The following AGTPBP1 variants were observed in gnomAD, a reference collection of about 807,000 sequenced individuals.
AGTPBP1 encodes ATP/GTP binding carboxypeptidase 1.
A neutral mutation model predicts 143.9 loss-of-function variants in AGTPBP1; 70 were observed. That is an observed-to-expected ratio of 0.49 (90% CI 0.40 to 0.59). AGTPBP1 has a LOEUF of 0.59. AGTPBP1 is among the 20% of genes least tolerant of loss of function. The probability of loss-of-function intolerance (pLI) is 0.00; values close to 1 mark genes in which losing one functional copy is unlikely to be tolerated. For missense variants in AGTPBP1, 1,229 were observed against 1,464.5 expected, an observed-to-expected ratio of 0.84 and a Z score of 2.62; for synonymous variants, 463 against 500.2, an observed-to-expected ratio of 0.93 and a Z score of 0.99.
At chr9:85,657,306 T>G (rs2133950772) in intron 10 of AGTPBP1, 129 bp downstream of exon 10, 2 of 823,954 alleles carry the variant, frequency 2.4e-6, no homozygotes, top group East Asian at 5.4e-5. Context: ...TCTTTTACTT[T>G]TAAGATTTTC....
At chr9:85,690,774 T>C (rs1412449802) in intron 3 of AGTPBP1, among the ~76,000 whole-genome samples, 2 of 151,332 alleles carry the variant, frequency 1.3e-5, no homozygotes, top group African/African-American at 2.4e-5. Context: ...AAGAGGGTCA[T>C]TCTCTGATAG....
chr9:85,747,819 A>T, the AGTPBP1 span, among the ~76,000 whole-genome samples: 3 of 152,154 alleles, frequency 2.0e-5, no homozygotes. Context: ...TAATAATGAT[A>T]TTCATAATAA....
chr9:85,674,331 C>T (rs1834688079), intron 6 of AGTPBP1, among the ~76,000 whole-genome samples: 2 of 150,662 alleles, frequency 1.3e-5, no homozygotes, highest in South Asian at 4.2e-4. Flanking sequence ...AGGAAATAGC[C>T]CAAATTTAAA....
Position 85,639,828 on chromosome 9 carries a change from GA to G in AGTPBP1, c.1302+2998del, listed in dbSNP as rs1587804510. ...AAAATAAAACTGTAATTGTCACTAT[GA>G]ATAAATAAACATAGCTTTAAAAGCA... On this transcript the variant is annotated intron_variant, in intron 13 of 25. Coordinates refer to ENST00000357081, the MANE Select transcript of AGTPBP1 (RefSeq NM_001330701.2). Among the ~76,000 whole-genome samples the G allele has an allele frequency of 2.6e-5, 4 of 152,286 alleles. No individual in the cohort carries two copies. In the East Asian group the frequency reaches 7.7e-4, roughly 29 times the overall value.
chr9:85,561,090 G>A (rs566886458), intron 25 of AGTPBP1, among the ~76,000 whole-genome samples: 1 of 152,094 alleles, frequency 6.6e-6, no homozygotes, highest in East Asian at 1.9e-4. Flanking sequence ...GACCATTTTC[G>A]GCCGGGTGTG....
intron 17 of AGTPBP1, among the ~76,000 whole-genome samples, chr9:85,614,270 C>T (rs976888136): frequency 5.3e-5 from 8 of 151,818 alleles, no homozygotes; most frequent in Non-Finnish European, 1.2e-4. Flanking sequence ...TCAAGAAAAT[C>T]CAAAGTACCA....
intron 25 of AGTPBP1, among the ~76,000 whole-genome samples, chr9:85,558,581 C>T (rs984230508): frequency 1.3e-5 from 2 of 152,090 alleles, no homozygotes; most frequent in African/African-American, 2.4e-5. Context: ...TATGATAAAA[C>T]ATTGTGTAGA....
At chr9:85,603,441 C>T (rs1829794701) in intron 17 of AGTPBP1, among the ~76,000 whole-genome samples, 1 of 152,248 alleles carries the variant, frequency 6.6e-6, no homozygotes, top group African/African-American at 2.4e-5. Flanking sequence ...TTAAAGGGAA[C>T]AACCCAGTCC....
rs1834905283 is a variant in AGTPBP1 at position 85,677,509 on chromosome 9, G to A, written c.363C>T (p.Ala121=). 2 of 1,604,088 alleles carry A rather than the reference G, an allele frequency of 1.2e-6. No homozygotes were observed. Among genetic ancestry groups the A allele is most frequent in the Non-Finnish European group, 1.7e-6 (2 of 1,175,216 alleles). The change falls in exon 6 of 26, where the codon GCC becomes GCT. Residue 121 remains alanine (A), a synonymous_variant. Transcript: ENST00000357081. ...CCTCATGTGGGGGAGATTCTTTGCT[G>A]GCATTCATAAGTAACTGCAACAATA... ...SQILLQLLMN[A]SKESPPHEDL...
At chr9:85,681,424 A>C (rs1835167866) in intron 3 of AGTPBP1, 89 bp from the exon 4 acceptor site, 1 of 1,031,264 alleles carries the variant, frequency 9.7e-7, no homozygotes, top group African/African-American at 1.6e-5. Flanking sequence ...AGATTCAACA[A>C]GTCTCCACTG....
chr9:85,635,278 C>T (rs1424541600), intron 13 of AGTPBP1, among the ~76,000 whole-genome samples: 1 of 152,042 alleles, frequency 6.6e-6, no homozygotes, highest in Admixed American at 6.6e-5. Flanking sequence ...AAGAATCTTC[C>T]ATTGTGATTT....
At chr9:85,555,123 G>A (rs1039926418) in intron 25 of AGTPBP1, among the ~76,000 whole-genome samples, 1 of 152,106 alleles carries the variant, frequency 6.6e-6, no homozygotes, top group East Asian at 1.9e-4. Context: ...AAGAGCTAAG[G>A]GTGGGGAATT....
chr9:85,642,926 T>G lies in AGTPBP1; in HGVS notation c.1203A>C (p.Thr401=). Residue 401 remains threonine (T), a synonymous_variant, in exon 13 of 26, where the codon ACA becomes ACC. Coordinates refer to ENST00000357081, the MANE Select transcript of AGTPBP1 (RefSeq NM_001330701.2). ...DQNFKNDDIE[T]DINKLKPQQE... ...GCTGGGGTTTTAGTTTGTTAATATC[T>G]GTTTCAATATCATCATTCTGAAATG... 6.2e-7 allele frequency: 1 copy of G among 1,611,838 alleles called. No homozygotes were observed. The highest frequency in any genetic ancestry group is 8.5e-7 in the Non-Finnish European group (1 of 1,178,648).
intron 2 of AGTPBP1, among the ~76,000 whole-genome samples, chr9:85,699,580 G>A (rs979868431): frequency 6.1e-5 from 9 of 146,560 alleles, no homozygotes; most frequent in African/African-American, 7.6e-5. Flanking sequence ...TCATAAATAC[G>A]GTAAAAAAAA....
At chr9:85,626,403 A>G (rs1831297765) in intron 14 of AGTPBP1, among the ~76,000 whole-genome samples, 2 of 152,216 alleles carry the variant, frequency 1.3e-5, no homozygotes, top group Non-Finnish European at 2.9e-5. Context: ...GAAAGTGATA[A>G]AACAGTAATT....
At chr9:85,642,476 G>A (rs1210857931) in intron 13 of AGTPBP1, among the ~76,000 whole-genome samples, 4 of 151,866 alleles carry the variant, frequency 2.6e-5, no homozygotes, top group Admixed American at 6.6e-5. Flanking sequence ...CTGCAGGAAC[G>A]TGCCACCACA....
Position 85,718,140 on chromosome 9 carries a change from C to A in AGTPBP1, c.-33-5574G>T, listed in dbSNP as rs904405277. On this transcript the variant is annotated intron_variant, in intron 1 of 25. Transcript: ENST00000357081. ...TGTGAATGGTGCCATAATAAACATA[C>A]GTATGCATGTGTCTTTATAGCAGCA... 5.3e-4 allele frequency among the ~76,000 whole-genome samples: 81 copies of A among 152,144 alleles called. 3 individuals carry two copies. Among genetic ancestry groups the A allele is most frequent in the Non-Finnish European group, 4.4e-5 (3 of 68,032 alleles).
chr9:85,669,525 T>C lies in AGTPBP1; in HGVS notation c.622A>G (p.Ile208Val). ...TTCTTCTTACTAAATGGTCCAATGA[T>C]TTTAAACATCAGTTCCACAACTCCA... ...KNGVVELMFK[I>V]IGPFSKKNSS... The change falls in exon 8 of 26, where the codon ATC (isoleucine) becomes GTC (valine). Residue 208 changes from isoleucine (I) to valine (V), a missense_variant. By Grantham distance (29) the Ile-to-Val change is conservative. This residue lies in a region of AGTPBP1 where 743 missense variants were observed against 812.2 expected (regional missense o/e 0.91). Coordinates refer to ENST00000357081, the MANE Select transcript of AGTPBP1 (RefSeq NM_001330701.2). 6.2e-7 allele frequency: 1 copy of C among 1,612,280 alleles called. No individual in the cohort carries two copies. Among genetic ancestry groups the C allele is most frequent in the African/African-American group, 1.3e-5 (1 of 74,960 alleles).
At chr9:85,741,615 G>C in intron 1 of AGTPBP1, 160 bp downstream of exon 1, 1 of 985,358 alleles carries the variant, frequency 1.0e-6, no homozygotes, top group Non-Finnish European at 1.2e-6. Flanking sequence ...CCCCTCACGC[G>C]TCACATGTGT....
Sources: gnomAD v4.1 joint callset for allele counts (sites outside exome capture counted in the v4.1 genomes callset) on GRCh38, gnomAD v4.1.1 for gene constraint, gnomAD v4.1.1 regional missense constraint, MANE v1.5 for transcripts, NCBI Gene and HGNC (gene_info 2026-07-23, HGNC 2026-07-21) for gene names.